Variants in PRR16 observed in about 807,000 individuals in gnomAD.
The protein encoded by PRR16 is proline rich 16.
A neutral mutation model predicts 18.2 loss-of-function variants in PRR16; 6 were observed. The observed-to-expected ratio is 0.33, with a 90% CI of 0.18 to 0.65. PRR16 has a LOEUF of 0.65. Among genes scored for constraint, PRR16 ranks in the 30% least tolerant of loss-of-function variants. The pLI, the probability that PRR16 is intolerant of heterozygous loss-of-function variation, is 0.74. For missense variants in PRR16, 412 were observed against 376.6 expected, an observed-to-expected ratio of 1.09 and a Z score of -0.78; for synonymous variants, 151 against 147.8, an observed-to-expected ratio of 1.02 and a Z score of -0.16.
intron 1 of PRR16, among the ~76,000 whole-genome samples, chr5:120,560,493 G>A (rs1479850850): frequency 1.3e-5 from 2 of 151,752 alleles, no homozygotes; most frequent in African/African-American, 4.8e-5. Context: ...GTCACACTTG[G>A]TCATGATAAT....
chr5:120,510,719 A>G (rs187471477), intron 1 of PRR16, among the ~76,000 whole-genome samples: 101 of 152,314 alleles, frequency 6.6e-4, no homozygotes, highest in African/African-American at 2.4e-3. Context: ...TGGAATATCT[A>G]CAGGATTTAT....
intron 1 of PRR16, among the ~76,000 whole-genome samples, chr5:120,630,760 T>G (rs2112838691): frequency 6.6e-6 from 1 of 152,252 alleles, no homozygotes; most frequent in Admixed American, 6.5e-5. Flanking sequence ...CCCAAATTGT[T>G]TAGTTACCCA....
the PRR16 span, among the ~76,000 whole-genome samples, chr5:120,706,998 A>G: frequency 6.6e-6 from 1 of 152,196 alleles, no homozygotes; most frequent in South Asian, 2.1e-4. Context: ...ATTACATTTC[A>G]AAGGAATGGT....
chr5:120,702,578 G>A, the PRR16 span, among the ~76,000 whole-genome samples: 3 of 152,164 alleles, frequency 2.0e-5, no homozygotes, highest in African/African-American at 7.2e-5. Flanking sequence ...TGAAACATGG[G>A]TGAATAATCA....
intron 1 of PRR16, among the ~76,000 whole-genome samples, chr5:120,627,803 C>T (rs1299775055): frequency 6.6e-6 from 1 of 152,024 alleles, no homozygotes; most frequent in Non-Finnish European, 1.5e-5. Flanking sequence ...TGCTTAAAAG[C>T]CTTAGATCTC....
At chr5:120,647,920 A>G (rs1755650739) in intron 1 of PRR16, among the ~76,000 whole-genome samples, 1 of 152,124 alleles carries the variant, frequency 6.6e-6, no homozygotes, top group Admixed American at 6.6e-5. Flanking sequence ...GAGAAATAAT[A>G]CAGCAATAAA....
At chr5:120,753,724 A>T in the PRR16 span, among the ~76,000 whole-genome samples, 1 of 149,230 alleles carries the variant, frequency 6.7e-6, no homozygotes, top group Non-Finnish European at 1.5e-5. Context: ...TACAACTGCC[A>T]TATGAGATAT....
the PRR16 span, among the ~76,000 whole-genome samples, chr5:120,703,057 A>G: frequency 6.6e-6 from 1 of 152,056 alleles, no homozygotes; most frequent in East Asian, 1.9e-4. Context: ...GTCCGAAAAG[A>G]GAGTCAGCGA....
the PRR16 span, among the ~76,000 whole-genome samples, chr5:120,741,659 T>G: frequency 1.3e-5 from 2 of 152,204 alleles, no homozygotes; most frequent in Non-Finnish European, 2.9e-5. Context: ...TGGAGTACAC[T>G]GGCCCGATCA....
At chr5:120,509,361 G>T (rs1487733093) in intron 1 of PRR16, among the ~76,000 whole-genome samples, 1 of 152,022 alleles carries the variant, frequency 6.6e-6, no homozygotes, top group Non-Finnish European at 1.5e-5. Flanking sequence ...AGAATAAAAG[G>T]ATTGACTGAG....
At chr5:120,709,303 G>C in the PRR16 span, among the ~76,000 whole-genome samples, 1 of 151,718 alleles carries the variant, frequency 6.6e-6, no homozygotes, top group African/African-American at 2.4e-5. Flanking sequence ...CACCGCACCC[G>C]GCCGCAATTA....
At chr5:120,474,171 T>A (rs990843011) in intron 1 of PRR16, among the ~76,000 whole-genome samples, 4 of 152,146 alleles carry the variant, frequency 2.6e-5, no homozygotes, top group African/African-American at 9.7e-5. Flanking sequence ...TAGAGTAAAA[T>A]GGGACTTCTG....
intron 1 of PRR16, among the ~76,000 whole-genome samples, chr5:120,674,774 A>G (rs1158162380): frequency 6.6e-6 from 1 of 151,814 alleles, no homozygotes; most frequent in African/African-American, 2.4e-5. Context: ...AAGCTCCAAT[A>G]TTGATCTTTT....
the PRR16 span, among the ~76,000 whole-genome samples, chr5:120,738,294 G>C: frequency 6.6e-6 from 1 of 151,898 alleles, no homozygotes; most frequent in Admixed American, 6.6e-5. Context: ...ATTGAATAAA[G>C]TTAAATATTT....
the PRR16 span, among the ~76,000 whole-genome samples, chr5:120,713,622 G>C: frequency 6.6e-6 from 1 of 152,082 alleles, no homozygotes; most frequent in Admixed American, 6.6e-5. Context: ...GAGTCCGAAA[G>C]GCAGTAAGTA....
chr5:120,473,091 G>C (rs1038946845), intron 1 of PRR16, among the ~76,000 whole-genome samples: 1 of 152,114 alleles, frequency 6.6e-6, no homozygotes, highest in Non-Finnish European at 1.5e-5. Flanking sequence ...ATGCATATAT[G>C]AATAAGCTTA....
the PRR16 span, among the ~76,000 whole-genome samples, chr5:120,730,990 TGAG>T: frequency 6.6e-6 from 1 of 152,140 alleles, no homozygotes; most frequent in Non-Finnish European, 1.5e-5. Flanking sequence ...CTATGAATAT[TGAG>T]GAGTATGATT....
chr5:120,557,933 G>A (rs1375474644), intron 1 of PRR16, among the ~76,000 whole-genome samples: 1 of 151,700 alleles, frequency 6.6e-6, no homozygotes, highest in East Asian at 1.9e-4. Context: ...GTTGGGTTAA[G>A]GTTTAGATTT....
chr5:120,492,914 T>C (rs1750113156), intron 1 of PRR16, among the ~76,000 whole-genome samples: 1 of 152,222 alleles, frequency 6.6e-6, no homozygotes, highest in Non-Finnish European at 1.5e-5. Flanking sequence ...GGCTTAGTAG[T>C]AGTCCATGGT....
Sources: allele counts gnomAD v4.1 joint callset (sites outside exome capture counted in the v4.1 genomes callset), GRCh38; gene constraint gnomAD v4.1.1; transcripts MANE v1.5; gene names NCBI Gene and HGNC (gene_info 2026-07-23, HGNC 2026-07-21).